SV2C: variants seen among roughly 807,000 people sequenced by gnomAD.
SV2C encodes synaptic vesicle glycoprotein 2C, also known as solute carrier family 22 member B3.
Under a neutral mutation model 79.7 loss-of-function variants are expected in SV2C, and 49 were observed. The ratio of observed to expected loss-of-function variants is 0.61; its 90% CI spans 0.49 to 0.78. The LOEUF is 0.78. Among genes scored for constraint, SV2C ranks in the 30% least tolerant of loss-of-function variants. SV2C has a pLI of 0.00. For missense variants in SV2C, 833 were observed against 912.9 expected (o/e 0.91, Z 1.13); for synonymous variants, 334 against 333.2 (o/e 1.00, Z -0.03).
the SV2C span, among the ~76,000 whole-genome samples, chr5:76,050,529 T>A: frequency 6.6e-6 from 1 of 152,200 alleles, no homozygotes; most frequent in Non-Finnish European, 1.5e-5. Flanking sequence ...AATGCAATGT[T>A]CCTTCACTCA....
At chr5:76,204,438 C>T (rs1744547707) in intron 3 of SV2C, among the ~76,000 whole-genome samples, 1 of 152,114 alleles carries the variant, frequency 6.6e-6, no homozygotes, top group Non-Finnish European at 1.5e-5. Flanking sequence ...GAACATGTGA[C>T]TTTACAATGA....
chr5:76,306,489 G>A (rs535233661), intron 12 of SV2C, among the ~76,000 whole-genome samples: 16 of 152,326 alleles, frequency 1.1e-4, no homozygotes, highest in African/African-American at 3.8e-4. Context: ...TTATTATCCA[G>A]AGGATTTAGC....
At chr5:75,943,218 C>G in the SV2C span, among the ~76,000 whole-genome samples, 1 of 152,160 alleles carries the variant, frequency 6.6e-6, no homozygotes, top group Non-Finnish European at 1.5e-5. Flanking sequence ...GAAGAGGTCT[C>G]AAGCTCACGC....
At chr5:76,169,165 A>G (rs990629710) in intron 2 of SV2C, among the ~76,000 whole-genome samples, 4 of 152,234 alleles carry the variant, frequency 2.6e-5, no homozygotes, top group African/African-American at 9.6e-5. Context: ...AACACTTTGG[A>G]GGAAAGTTCT....
chr5:75,933,647 A>G, the SV2C span, among the ~76,000 whole-genome samples: 1 of 152,210 alleles, frequency 6.6e-6, no homozygotes, highest in Non-Finnish European at 1.5e-5. Flanking sequence ...GGAAGTTTTG[A>G]CACAGGCAAG....
chr5:75,968,885 A>G, the SV2C span, among the ~76,000 whole-genome samples: 1 of 152,018 alleles, frequency 6.6e-6, no homozygotes, highest in South Asian at 2.1e-4. Flanking sequence ...AGATTCACCA[A>G]AGTTGAAATG....
chr5:75,905,231 T>G, the SV2C span, among the ~76,000 whole-genome samples: 1 of 152,206 alleles, frequency 6.6e-6, no homozygotes, highest in Non-Finnish European at 1.5e-5. Context: ...ACCTCTATTT[T>G]TTCATTTGCT....
At chr5:76,282,331 C>G (rs1444028284) in intron 4 of SV2C, among the ~76,000 whole-genome samples, 2 of 152,204 alleles carry the variant, frequency 1.3e-5, no homozygotes, top group East Asian at 3.8e-4. Context: ...AGGATTCACC[C>G]CCAGACTGGG....
At chr5:76,036,113 CCT>C in the SV2C span, among the ~76,000 whole-genome samples, 95 of 151,978 alleles carry the variant, frequency 6.3e-4, 1 homozygote, top group East Asian at 0.017. Flanking sequence ...CTTCCTCCAT[CCT>C]TTTATTTTGA....
the SV2C span, among the ~76,000 whole-genome samples, chr5:75,858,293 T>C: frequency 1.3e-5 from 2 of 152,206 alleles, no homozygotes; most frequent in Non-Finnish European, 2.9e-5. Context: ...ACCCATTTTT[T>C]TGAGGGTTTT....
At chr5:76,017,078 G>A in the SV2C span, among the ~76,000 whole-genome samples, 1 of 152,108 alleles carries the variant, frequency 6.6e-6, no homozygotes, top group East Asian at 1.9e-4. Flanking sequence ...ATCATGAAAA[G>A]ATAAACATGA....
chr5:75,934,298 C>CTTTTTTTTTTTTTTT, the SV2C span, among the ~76,000 whole-genome samples: 1 of 87,584 alleles, frequency 1.1e-5, no homozygotes, highest in African/African-American at 6.6e-5. Context: ...TTTTTTCTTT[C>CTTTTTTTTTTTTTTT]TTTCTTTTTT....
chr5:76,105,461 G>A (rs1057208806), intron 1 of SV2C, among the ~76,000 whole-genome samples: 4 of 152,150 alleles, frequency 2.6e-5, no homozygotes, highest in Admixed American at 2.0e-4. Context: ...GTTCTCTCTC[G>A]GTCCCTCAAA....
chr5:75,898,973 G>T, the SV2C span, among the ~76,000 whole-genome samples: 3 of 151,666 alleles, frequency 2.0e-5, no homozygotes. Context: ...TTCTTTATTA[G>T]TCTTGCTAGC....
At chr5:76,039,676 A>G in the SV2C span, among the ~76,000 whole-genome samples, 79 of 151,702 alleles carry the variant, frequency 5.2e-4, no homozygotes, top group Middle Eastern at 0.017. Context: ...GAATCGCTTG[A>G]ACCCAAAAGG....
At chr5:75,942,111 G>T in the SV2C span, among the ~76,000 whole-genome samples, 1 of 152,226 alleles carries the variant, frequency 6.6e-6, no homozygotes, top group Non-Finnish European at 1.5e-5. Flanking sequence ...ATGGAGGTTT[G>T]CAGGAGGGTG....
At chr5:76,296,112 G>A in intron 9 of SV2C, 170 bp downstream of exon 9, 1 of 543,260 alleles carries the variant, frequency 1.8e-6, no homozygotes, top group Non-Finnish European at 2.9e-6. Flanking sequence ...TAAATAAAAG[G>A]TACAAATGTA....
chr5:76,336,541 C>G (rs1047391384), downstream of SV2C, among the ~76,000 whole-genome samples: 12 of 152,186 alleles, frequency 7.9e-5, no homozygotes, highest in Non-Finnish European at 1.5e-4. Context: ...CCAAGGCAGG[C>G]GGCTGGGAGG....
intron 2 of SV2C, among the ~76,000 whole-genome samples, chr5:76,176,851 C>T (rs975049715): frequency 6.6e-6 from 1 of 152,182 alleles, no homozygotes; most frequent in Non-Finnish European, 1.5e-5. Context: ...CAAGGTGGCT[C>T]ACGCCTGTAA....
Sources: gnomAD v4.1 joint callset for allele counts (sites outside exome capture counted in the v4.1 genomes callset) on GRCh38, gnomAD v4.1.1 for gene constraint, MANE v1.5 for transcripts, NCBI Gene and HGNC (gene_info 2026-07-23, HGNC 2026-07-21) for gene names.